CCDC30: variants seen among roughly 807,000 people sequenced by gnomAD.
CCDC30 encodes coiled-coil domain-containing protein 30.
In CCDC30, 70 loss-of-function variants were observed where a neutral mutation model predicts 100.2. The ratio of observed to expected loss-of-function variants is 0.70; its 90% CI spans 0.58 to 0.85. The LOEUF is 0.85. Ranked by LOEUF, CCDC30 falls within the 40% of genes least tolerant of loss-of-function variation. The pLI is 0.00. For synonymous variants in CCDC30, 233 were observed against 269.5 expected (o/e 0.86, Z 1.33); for missense variants, 652 against 771.2 (o/e 0.85, Z 1.83).
chr1:42,644,963 A>T (rs1026984589), intron 14 of CCDC30, among the ~76,000 whole-genome samples, 156 bp downstream of exon 18: 3 of 152,146 alleles, frequency 2.0e-5, no homozygotes, highest in African/African-American at 7.2e-5. Flanking sequence ...GCACACCAGG[A>T]TAGCAGACCC....
At chr1:42,566,952 A>G (rs552081580) in intron 7 of CCDC30, among the ~76,000 whole-genome samples, 270 of 152,344 alleles carry the variant, frequency 1.8e-3, no homozygotes, top group Non-Finnish European at 3.0e-3. Flanking sequence ...TAGAACTGCC[A>G]TACACAGATT....
chr1:42,581,250 A>C, intron 8 of CCDC30, 110 bp from the exon 13 acceptor site: 1 of 786,952 alleles, frequency 1.3e-6, no homozygotes, highest in Non-Finnish European at 2.1e-6. Context: ...ACTTCAGGTC[A>C]GATTAATATG....
chr1:42,462,868 G>A (rs1643447539), upstream of CCDC30, among the ~76,000 whole-genome samples: 1 of 152,056 alleles, frequency 6.6e-6, no homozygotes, highest in Admixed American at 6.5e-5. Flanking sequence ...TTTATCTTAC[G>A]TGCCCCACGT....
upstream of CCDC30, chr1:42,460,255 C>T: frequency 9.7e-7 from 1 of 1,028,126 alleles, no homozygotes; most frequent in Non-Finnish European, 1.2e-6. Flanking sequence ...AATGGTCATG[C>T]TTTGGAGATC....
intron 6 of CCDC30, among the ~76,000 whole-genome samples, chr1:42,561,314 A>G (rs1307242662): frequency 2.0e-5 from 3 of 152,366 alleles, no homozygotes; most frequent in African/African-American, 7.2e-5. Context: ...ACACAAATGA[A>G]TAAACATAAT....
intron 6 of CCDC30, among the ~76,000 whole-genome samples, chr1:42,551,662 A>G (rs548495203): frequency 6.6e-6 from 1 of 152,236 alleles, no homozygotes; most frequent in Non-Finnish European, 1.5e-5. Context: ...ATTAGGTATT[A>G]CTTTTAAAAA....
intron 14 of CCDC30, among the ~76,000 whole-genome samples, chr1:42,645,789 C>G (rs1219640755): frequency 1.3e-5 from 2 of 152,054 alleles, no homozygotes; most frequent in East Asian, 3.9e-4. Context: ...CATTCTTTTA[C>G]TTATTCATTC....
At chr1:42,653,542 T>C (rs1457145938) in intron 16 of CCDC30, 99 bp downstream of exon 20, 1 of 785,578 alleles carries the variant, frequency 1.3e-6, no homozygotes, top group African/African-American at 1.7e-5. Context: ...GATTGCTGGC[T>C]TGAGAAGGCA....
At chr1:42,604,975 AG>A (rs1307246415) in intron 10 of CCDC30, among the ~76,000 whole-genome samples, 1 of 152,176 alleles carries the variant, frequency 6.6e-6, no homozygotes, top group Non-Finnish European at 1.5e-5. Flanking sequence ...AATACATTTC[AG>A]GTAAGACTTT....
At chr1:42,499,967 C>G (rs1430340611) in intron 6 of CCDC30, among the ~76,000 whole-genome samples, 1 of 152,176 alleles carries the variant, frequency 6.6e-6, no homozygotes, top group Non-Finnish European at 1.5e-5. Flanking sequence ...TCTTCTACCC[C>G]AGAAGGTTGT....
intron 6 of CCDC30, among the ~76,000 whole-genome samples, chr1:42,511,892 A>C (rs1294663782): frequency 2.6e-5 from 4 of 152,022 alleles, no homozygotes; most frequent in African/African-American, 9.7e-5. Context: ...GGAATTAAAG[A>C]CACACACAGA....
At chr1:42,646,633 G>A (rs1262873337) in intron 15 of CCDC30, among the ~76,000 whole-genome samples, 1 of 152,200 alleles carries the variant, frequency 6.6e-6, no homozygotes, top group Non-Finnish European at 1.5e-5. Flanking sequence ...GGCTGTAGGA[G>A]CTATGTCCCC....
chr1:42,583,615 C>A (rs1350680009), intron 9 of CCDC30, among the ~76,000 whole-genome samples: 1 of 151,790 alleles, frequency 6.6e-6, no homozygotes, highest in Middle Eastern at 3.4e-3. Context: ...AGATTTTTCC[C>A]AGTTTCTTCT....
Position 42,545,175 on chromosome 1 carries a change from A to AT in CCDC30, c.457-21121_457-21120insT, listed in dbSNP as rs1301928124. Among the ~76,000 whole-genome samples, 14 of 136,354 alleles carry AT rather than the reference A, an allele frequency of 1.0e-4. 1 individual carries two copies. The highest frequency in any genetic ancestry group is 2.2e-4 in the South Asian group (1 of 4,546). The allele number at this position is 136,354 out of a possible 152,430, so 89.5% of individuals were successfully genotyped here. A position where few individuals can be genotyped will look rare whatever the true frequency, so the allele number is the denominator to read the frequency against. The stretch of plus-strand genomic sequence containing the variant: ...CAAAAATACCTTTAAAAAAAAAAAA[A>AT]AAAAAAAAAAAAAGGGAATTTACAT... On this transcript the variant is annotated intron_variant, in intron 6 of 16. Coordinates refer to ENST00000668663, the Ensembl canonical transcript of CCDC30.
chr1:42,523,416 G>A (rs1256658785), intron 6 of CCDC30, among the ~76,000 whole-genome samples: 1 of 152,126 alleles, frequency 6.6e-6, no homozygotes, highest in Non-Finnish European at 1.5e-5. Flanking sequence ...TCAGCCCACT[G>A]CCTTCTGGTT....
chr1:42,461,443 C>T (rs190393370), upstream of CCDC30, among the ~76,000 whole-genome samples: 24 of 152,262 alleles, frequency 1.6e-4, 1 homozygote, highest in East Asian at 4.1e-3. Context: ...TCAAGCACTC[C>T]TACTGCCACA....
At chr1:42,500,933 G>A (rs56829268) in intron 6 of CCDC30, among the ~76,000 whole-genome samples, 2,178 of 152,040 alleles carry the variant, frequency 0.014, 50 homozygotes, top group African/African-American at 0.05. Flanking sequence ...CTTTGTTTTA[G>A]ATATATGTAT....
At chr1:42,534,244 G>A (rs1644856386) in intron 6 of CCDC30, among the ~76,000 whole-genome samples, 1 of 151,964 alleles carries the variant, frequency 6.6e-6, no homozygotes, top group Admixed American at 6.6e-5. Context: ...ATATTTAAGA[G>A]TTGAGATGTT....
At chr1:42,508,265 G>A (rs1195634998) in intron 6 of CCDC30, among the ~76,000 whole-genome samples, 1 of 152,158 alleles carries the variant, frequency 6.6e-6, no homozygotes, top group East Asian at 1.9e-4. Flanking sequence ...GAAATACTAT[G>A]GGGAGAAGAC....
Sources: allele counts gnomAD v4.1 joint callset (sites outside exome capture counted in the v4.1 genomes callset), GRCh38; gene constraint gnomAD v4.1.1; transcripts MANE v1.5; gene names NCBI Gene and HGNC (gene_info 2026-07-23, HGNC 2026-07-21).